Variants in SEZ6L observed in about 807,000 individuals in gnomAD.
SEZ6L encodes seizure related 6 homolog like, also known as seizure 6-like protein.
A neutral mutation model predicts 106.2 loss-of-function variants in SEZ6L; 37 were observed. The ratio of observed to expected loss-of-function variants is 0.35; its 90% CI spans 0.27 to 0.46. The LOEUF (loss-of-function observed/expected upper bound fraction) is 0.46. Among genes scored for constraint, SEZ6L ranks in the 20% least tolerant of loss-of-function variants. The pLI is 1.00. For synonymous variants in SEZ6L, 541 were observed against 570.4 expected, an observed-to-expected ratio of 0.95 and a Z score of 0.73; for missense variants, 1,172 against 1,332.8, an observed-to-expected ratio of 0.88 and a Z score of 1.88.
chr22:26,244,865 C>G (rs2079276273), intron 1 of SEZ6L, among the ~76,000 whole-genome samples: 1 of 152,138 alleles, frequency 6.6e-6, no homozygotes, highest in Non-Finnish European at 1.5e-5. Context: ...TTCAGTGCAG[C>G]TGAGTTGGAG....
intron 1 of SEZ6L, among the ~76,000 whole-genome samples, chr22:26,289,284 C>T (rs566110828): frequency 1.3e-5 from 2 of 152,304 alleles, no homozygotes; most frequent in East Asian, 3.9e-4. Context: ...GCCCTCTTTT[C>T]ACTCCACAGT....
intron 9 of SEZ6L, among the ~76,000 whole-genome samples, chr22:26,317,628 A>G (rs1038701755): frequency 6.6e-6 from 1 of 152,088 alleles, no homozygotes; most frequent in Non-Finnish European, 1.5e-5. Flanking sequence ...ACCACTAAGC[A>G]TGCATGCAAT....
At chr22:26,365,245 A>T in intron 12 of SEZ6L, 127 bp from the exon 13 acceptor site, 1 of 720,168 alleles carries the variant, frequency 1.4e-6, no homozygotes. Flanking sequence ...AAACAGTCTG[A>T]TGCAAGGTGG....
chr22:26,342,707 A>AAAG lies in SEZ6L; in HGVS notation c.2212+2077_2212+2078insGAA, dbSNP rs145388635. ...GAGACTCCGTCTCAAAGAAAAAAGA[A>AAAG]AAAAGAAAAGAATTGTCCATCTCTA... On this transcript the variant is annotated intron_variant, in intron 10 of 16. Transcript: ENST00000248933. 1.6e-3 allele frequency among the ~76,000 whole-genome samples: 229 copies of AAAG among 146,986 alleles called. No homozygotes were observed. The East Asian group carries it at 0.02, about 13-fold the overall frequency.
intron 1 of SEZ6L, among the ~76,000 whole-genome samples, chr22:26,242,140 G>T (rs2145772657): frequency 6.6e-6 from 1 of 152,368 alleles, no homozygotes; most frequent in Middle Eastern, 3.4e-3. Flanking sequence ...CAGGCAGGTT[G>T]CTGAAATCAT....
intron 9 of SEZ6L, among the ~76,000 whole-genome samples, chr22:26,314,106 AGAGAG>A (rs1009747137): frequency 6.6e-6 from 1 of 151,990 alleles, no homozygotes; most frequent in African/African-American, 2.4e-5. Flanking sequence ...AGAGAGAGAG[AGAGAG>A]GAGAGAGAGA....
chr22:26,174,662 T>C (rs184440077), intron 1 of SEZ6L, among the ~76,000 whole-genome samples: 2 of 152,296 alleles, frequency 1.3e-5, no homozygotes, highest in Middle Eastern at 3.4e-3. Flanking sequence ...TGCATAATCC[T>C]CTGGTTACTG....
chr22:26,316,353 T>C (rs1415728403), intron 9 of SEZ6L, among the ~76,000 whole-genome samples: 1 of 152,118 alleles, frequency 6.6e-6, no homozygotes, highest in Non-Finnish European at 1.5e-5. Flanking sequence ...GATACAGTTG[T>C]GAGAAAAACA....
chr22:26,169,564 C>T lies in SEZ6L; in HGVS notation c.-106C>T. 2.3e-6 allele frequency: 1 copy of T among 426,826 alleles called. No homozygotes were observed. The highest frequency in any genetic ancestry group is 4.0e-6 in the Non-Finnish European group (1 of 247,924). The allele number at this position is 426,826 out of a possible 1,614,324, so 26.4% of individuals were successfully genotyped here. ...AAGCTGCCCCGGCCCGCGGCCTCCTCCCTCGCTCCCGCTTCCCCTTTCTCG... is the reference window on the plus strand; with the variant it reads ...AAGCTGCCCCGGCCCGCGGCCTCCTTCCTCGCTCCCGCTTCCCCTTTCTCG... On this transcript the variant is annotated 5_prime_UTR_variant, in exon 1 of 17. Coordinates refer to ENST00000248933, the MANE Select transcript of SEZ6L (RefSeq NM_021115.5).
intron 1 of SEZ6L, among the ~76,000 whole-genome samples, chr22:26,170,067 T>A (rs1483002273): frequency 2.0e-5 from 3 of 151,450 alleles, no homozygotes; most frequent in African/African-American, 7.3e-5. Context: ...TGGAGTGGGG[T>A]CGCCTCCAAA....
chr22:26,270,463 GGTGTGTGTGTGTGTGTGT>G (rs60049781), intron 1 of SEZ6L, among the ~76,000 whole-genome samples: 2 of 146,264 alleles, frequency 1.4e-5, no homozygotes, highest in South Asian at 4.5e-4. Context: ...AATTGTGAGG[GGTGTGTGTGTGTGTGTGT>G]GTGTGTGTGT....
chr22:26,369,554 A>C (rs2083950339), intron 13 of SEZ6L, among the ~76,000 whole-genome samples: 1 of 151,254 alleles, frequency 6.6e-6, no homozygotes, highest in Admixed American at 6.6e-5. Flanking sequence ...GTTAGCCAGG[A>C]TGGTCTCGAT....
At chr22:26,201,850 T>G (rs1940981093) in intron 1 of SEZ6L, among the ~76,000 whole-genome samples, 1 of 152,144 alleles carries the variant, frequency 6.6e-6, no homozygotes, top group South Asian at 2.1e-4. Context: ...GTAACTGATA[T>G]TATTATTATT....
chr22:26,259,835 T>C (rs1209975608), intron 1 of SEZ6L, among the ~76,000 whole-genome samples: 1 of 152,214 alleles, frequency 6.6e-6, no homozygotes, highest in Non-Finnish European at 1.5e-5. Flanking sequence ...TCCTAATTTA[T>C]TGATGAAAAG....
At chr22:26,334,292 C>T (rs2082578468) in intron 9 of SEZ6L, among the ~76,000 whole-genome samples, 1 of 152,114 alleles carries the variant, frequency 6.6e-6, no homozygotes. Context: ...CTTCTCCTCA[C>T]CCCCTAACCC....
intron 5 of SEZ6L, among the ~76,000 whole-genome samples, chr22:26,304,412 G>T (rs557919421): frequency 7.1e-6 from 1 of 141,564 alleles, no homozygotes; most frequent in African/African-American, 2.6e-5. Context: ...AAGAAAGAAA[G>T]AAAGAAAGAA....
intron 13 of SEZ6L, among the ~76,000 whole-genome samples, chr22:26,371,655 A>T (rs1308478580): frequency 7.8e-6 from 1 of 127,672 alleles, no homozygotes; most frequent in East Asian, 3.7e-4. Context: ...AATATACACA[A>T]ATGACAAAAA....
intron 1 of SEZ6L, among the ~76,000 whole-genome samples, chr22:26,254,697 G>A (rs112857946): frequency 2.5e-4 from 38 of 152,212 alleles, no homozygotes; most frequent in African/African-American, 7.2e-4. Context: ...CAGTACTATC[G>A]CCATTAATTC....
At chr22:26,193,931 G>T (rs1248201998) in intron 1 of SEZ6L, among the ~76,000 whole-genome samples, 1 of 152,190 alleles carries the variant, frequency 6.6e-6, no homozygotes, top group Non-Finnish European at 1.5e-5. Context: ...AGACTTAGAG[G>T]CTGGGGGGAG....
Sources: allele counts gnomAD v4.1 joint callset (sites outside exome capture counted in the v4.1 genomes callset), GRCh38; gene constraint gnomAD v4.1.1; transcripts MANE v1.5; gene names NCBI Gene and HGNC (gene_info 2026-07-23, HGNC 2026-07-21).